Variants in PCA3 observed in about 807,000 individuals in gnomAD.
PCA3 encodes prostate cancer associated 3.
At chr9:76,786,970 C>T (rs1005437147) in intron 2 of PCA3, 1 of 152,166 alleles carries the variant, frequency 6.6e-6, no homozygotes, top group African/African-American at 2.4e-5. Flanking sequence ...GGGGACCACT[C>T]CTGGGCCTTC....
At chr9:76,768,579 A>ATGTGTGTGTGTG (rs1491333441) in intron 2 of PCA3, among the ~76,000 whole-genome samples, 1 of 100,510 alleles carries the variant, frequency 9.9e-6, no homozygotes, top group African/African-American at 3.2e-5. Context: ...ATATATGTAT[A>ATGTGTGTGTGTG]TGTATGTGTG....
At chr9:76,776,891 CAT>C (rs1483061332) in intron 2 of PCA3, among the ~76,000 whole-genome samples, 2,331 of 88,584 alleles carry the variant, frequency 0.026, 50 homozygotes, top group African/African-American at 0.035. Context: ...TACCAAAACA[CAT>C]ACACACACAC....
chr9:76,770,136 C>T (rs2052928844), intron 2 of PCA3, among the ~76,000 whole-genome samples: 1 of 152,134 alleles, frequency 6.6e-6, no homozygotes, highest in Non-Finnish European at 1.5e-5. Context: ...ACTAAAAACT[C>T]ATTTTTGTTA....
In PCA3 at chr9:76,771,749, G is replaced by A. The variant is rs185032091; in HGVS notation, n.852+35134G>A. Reference sequence around the variant, plus strand: ...GACTGAAGAGCAGAGCCAAGAATCTGCTACTGCTTTCTGTTTTTATTTCCA... The same window carrying A: ...GACTGAAGAGCAGAGCCAAGAATCTACTACTGCTTTCTGTTTTTATTTCCA... On this transcript the variant is annotated intron_variant and non_coding_transcript_variant, in intron 2 of 5. Transcript: ENST00000644657. Among the ~76,000 whole-genome samples the A allele has an allele frequency of 2.0e-4, 30 of 152,290 alleles. No individual in the cohort carries two copies. In the East Asian group the frequency reaches 5.6e-3, roughly 28 times the overall value.
intron 2 of PCA3, among the ~76,000 whole-genome samples, chr9:76,773,927 G>A (rs181445303): frequency 1.3e-5 from 2 of 152,216 alleles, no homozygotes; most frequent in Non-Finnish European, 2.9e-5. Flanking sequence ...AGAGAAATGA[G>A]ACTCCTTTAT....
At chr9:76,775,579 G>A (rs1177780336) in intron 2 of PCA3, among the ~76,000 whole-genome samples, 2 of 152,136 alleles carry the variant, frequency 1.3e-5, no homozygotes, top group African/African-American at 4.8e-5. Flanking sequence ...GGGATTACAG[G>A]TGTGAGCTAC....
chr9:76,785,735 GT>G, intron 2 of PCA3: 1 of 149,312 alleles, frequency 6.7e-6, no homozygotes, highest in East Asian at 2.0e-4. Flanking sequence ...TAAGAGCTCT[GT>G]GTGTGTGTGT....
chr9:76,776,385 G>A (rs1251698631), intron 2 of PCA3, among the ~76,000 whole-genome samples: 1 of 151,810 alleles, frequency 6.6e-6, no homozygotes, highest in Non-Finnish European at 1.5e-5. Flanking sequence ...GAGACCATGT[G>A]GTATCTGATT....
At chr9:76,771,501 G>C (rs1175172958) in intron 2 of PCA3, among the ~76,000 whole-genome samples, 1 of 152,196 alleles carries the variant, frequency 6.6e-6, no homozygotes, top group African/African-American at 2.4e-5. Context: ...GTGACATGAA[G>C]GCAGGTACAA....
intron 2 of PCA3, among the ~76,000 whole-genome samples, chr9:76,765,909 G>A (rs939155803): frequency 2.6e-5 from 4 of 152,118 alleles, no homozygotes; most frequent in Admixed American, 6.5e-5. Flanking sequence ...GAGGCCAGAC[G>A]CGGTGGCTCA....
chr9:76,769,401 C>T (rs1045515760), intron 2 of PCA3, among the ~76,000 whole-genome samples: 1 of 152,166 alleles, frequency 6.6e-6, no homozygotes, highest in Admixed American at 6.5e-5. Flanking sequence ...TATTGATGGA[C>T]ATTAAGGTTG....
intron 2 of PCA3, among the ~76,000 whole-genome samples, chr9:76,769,957 G>A (rs1445418848): frequency 6.6e-6 from 1 of 152,170 alleles, no homozygotes; most frequent in Non-Finnish European, 1.5e-5. Context: ...TCCTGAAAAT[G>A]TATTATAAAG....
At chr9:76,771,477 C>T (rs1156868084) in intron 2 of PCA3, among the ~76,000 whole-genome samples, 2 of 152,138 alleles carry the variant, frequency 1.3e-5, no homozygotes, top group African/African-American at 4.8e-5. Flanking sequence ...GAGACAGACA[C>T]AAACTGCAGC....
intron 2 of PCA3, among the ~76,000 whole-genome samples, chr9:76,765,330 A>T (rs138490895): frequency 1.3e-5 from 2 of 152,350 alleles, no homozygotes; most frequent in East Asian, 3.9e-4. Context: ...AGAAGGAAGT[A>T]GTCAATTGTT....
At chr9:76,785,902 T>C (rs985509659) in intron 2 of PCA3, 35 of 152,174 alleles carry the variant, frequency 2.3e-4, no homozygotes, top group Middle Eastern at 3.2e-3. Context: ...AATAATGTCA[T>C]CTGTTAACAT....
intron 2 of PCA3, among the ~76,000 whole-genome samples, chr9:76,775,980 G>A: frequency 6.6e-6 from 1 of 152,166 alleles, no homozygotes; most frequent in African/African-American, 2.4e-5. Context: ...AGCATTTTCT[G>A]GTGTGAGATT....
intron 2 of PCA3, among the ~76,000 whole-genome samples, chr9:76,773,658 G>A (rs1416292734): frequency 6.6e-6 from 1 of 152,066 alleles, no homozygotes; most frequent in Non-Finnish European, 1.5e-5. Context: ...TGGCCAGGCT[G>A]GTCTCGAACT....
intron 2 of PCA3, chr9:76,787,371 T>C (rs1228533254): frequency 6.6e-6 from 1 of 152,080 alleles, no homozygotes; most frequent in African/African-American, 2.4e-5. Flanking sequence ...TTGCTGACTT[T>C]TAAAATAAGT....
chr9:76,772,042 AAACT>A (rs2130958404), intron 2 of PCA3, among the ~76,000 whole-genome samples: 1 of 152,314 alleles, frequency 6.6e-6, no homozygotes, highest in Non-Finnish European at 1.5e-5. Flanking sequence ...GGCTCCACAC[AAACT>A]ACCTTTTAAC....
Sources: gnomAD v4.1 joint callset for allele counts (sites outside exome capture counted in the v4.1 genomes callset) on GRCh38, gnomAD v4.1.1 for gene constraint, MANE v1.5 for transcripts, NCBI Gene and HGNC (gene_info 2026-07-23, HGNC 2026-07-21) for gene names.